VRK2: variants seen among roughly 807,000 people sequenced by gnomAD.
The protein encoded by VRK2 is VRK serine/threonine kinase 2, also known as serine/threonine-protein kinase VRK2.
VRK2 carries 60 observed loss-of-function variants against 57.6 expected under a neutral mutation model. The observed-to-expected ratio is 1.04, with a 90% CI of 0.85 to 1.29. The LOEUF (loss-of-function observed/expected upper bound fraction) is 1.29, where lower values mean the gene tolerates loss of function less well. Ranked by LOEUF, VRK2 falls within the 50% of genes most tolerant of loss-of-function variation. The pLI, the probability that VRK2 is intolerant of heterozygous loss-of-function variation, is 0.00. For synonymous variants in VRK2, 231 were observed against 199.2 expected, an observed-to-expected ratio of 1.16 and a Z score of -1.35; for missense variants, 705 against 588.1, an observed-to-expected ratio of 1.20 and a Z score of -2.06.
intron 1 of VRK2, among the ~76,000 whole-genome samples, chr2:57,914,678 T>C (rs1048749939): frequency 6.6e-6 from 1 of 152,118 alleles, no homozygotes; most frequent in African/African-American, 2.4e-5. Flanking sequence ...ACAACAGATG[T>C]ATATACATTC....
At chr2:58,057,639 TAAG>T (rs1676723114) in intron 2 of VRK2, among the ~76,000 whole-genome samples, 1 of 152,148 alleles carries the variant, frequency 6.6e-6, no homozygotes, top group South Asian at 2.1e-4. Context: ...GTAACATGCA[TAAG>T]AAATCAACTT....
chr2:57,943,860 C>G (rs916051823), intron 1 of VRK2, among the ~76,000 whole-genome samples: 4 of 152,192 alleles, frequency 2.6e-5, no homozygotes, highest in African/African-American at 9.7e-5. Flanking sequence ...AAGGGTCAGA[C>G]AGCAAACATT....
intron 4 of VRK2, 22 bp from the exon 5 acceptor site, chr2:58,086,316 TA>T: frequency 6.4e-7 from 1 of 1,573,568 alleles, no homozygotes; most frequent in East Asian, 2.3e-5. Context: ...TGAATCTTTT[TA>T]AAAATAAATT....
chr2:58,156,577 GTGTTTTTTT>G (rs1263599121), intron 12 of VRK2, among the ~76,000 whole-genome samples: 4 of 139,118 alleles, frequency 2.9e-5, no homozygotes, highest in African/African-American at 1.4e-4. Context: ...TTGGGTGGTG[GTGTTTTTTT>G]TGTTTTGTTT....
intron 1 of VRK2, among the ~76,000 whole-genome samples, chr2:57,957,142 G>C (rs1671611178): frequency 1.3e-5 from 2 of 152,082 alleles, no homozygotes; most frequent in South Asian, 4.1e-4. Flanking sequence ...CACTTTTGAT[G>C]ATAGTCTTTT....
At chr2:58,059,464 T>G (rs947012546) in intron 2 of VRK2, among the ~76,000 whole-genome samples, 7 of 151,936 alleles carry the variant, frequency 4.6e-5, no homozygotes, top group African/African-American at 1.7e-4. Context: ...TTGACTATAT[T>G]TTTTCATTGG....
intron 8 of VRK2, among the ~76,000 whole-genome samples, chr2:58,127,332 T>C (rs1359497207): frequency 6.6e-6 from 1 of 152,150 alleles, no homozygotes; most frequent in Non-Finnish European, 1.5e-5. Context: ...TGTCTTGGCC[T>C]TTTGATTGGG....
intron 1 of VRK2, among the ~76,000 whole-genome samples, chr2:57,996,268 A>G (rs1228063722): frequency 6.6e-6 from 1 of 152,216 alleles, no homozygotes; most frequent in East Asian, 1.9e-4. Context: ...GTGTTATTAT[A>G]AAAATATTTT....
chr2:57,992,736 C>A (rs1201530199), intron 1 of VRK2, among the ~76,000 whole-genome samples: 27 of 151,846 alleles, frequency 1.8e-4, no homozygotes, highest in Admixed American at 1.8e-3. Flanking sequence ...CGGGGTTTCA[C>A]CTTGTTAGCC....
At chr2:57,999,730 G>A (rs1021330950) in intron 1 of VRK2, among the ~76,000 whole-genome samples, 3 of 152,140 alleles carry the variant, frequency 2.0e-5, no homozygotes, top group Non-Finnish European at 4.4e-5. Flanking sequence ...GTTAGTGTAA[G>A]TTTATTAGTT....
At chr2:58,008,214 T>C (rs190664797) in intron 1 of VRK2, among the ~76,000 whole-genome samples, 3 of 152,090 alleles carry the variant, frequency 2.0e-5, no homozygotes, top group Admixed American at 6.5e-5. Context: ...AAAAAGTCAA[T>C]TACACTAGGG....
intron 2 of VRK2, among the ~76,000 whole-genome samples, chr2:58,073,425 G>A (rs1669621600): frequency 6.6e-6 from 1 of 151,882 alleles, no homozygotes. Flanking sequence ...GGCTATAACA[G>A]TGGATTTGTC....
chr2:58,132,586 G>C (rs957120805), intron 9 of VRK2, among the ~76,000 whole-genome samples: 3 of 152,110 alleles, frequency 2.0e-5, no homozygotes, highest in Non-Finnish European at 4.4e-5. Flanking sequence ...CAATTGCATA[G>C]AGCACAGAAT....
At chr2:58,053,395 A>G (rs1003360186) in intron 2 of VRK2, among the ~76,000 whole-genome samples, 3 of 152,246 alleles carry the variant, frequency 2.0e-5, no homozygotes, top group Non-Finnish European at 4.4e-5. Context: ...AGTGACTGCC[A>G]GACATTTTTG....
intron 1 of VRK2, among the ~76,000 whole-genome samples, chr2:58,011,440 G>C (rs992377468): frequency 1.3e-5 from 2 of 152,134 alleles, no homozygotes; most frequent in African/African-American, 4.8e-5. Context: ...TTCTATCCAA[G>C]GCTGTCAGCA....
chr2:58,031,129 T>C (rs1242618048), intron 2 of VRK2, among the ~76,000 whole-genome samples: 1 of 152,084 alleles, frequency 6.6e-6, no homozygotes, highest in African/African-American at 2.4e-5. Flanking sequence ...TGTTACTTTA[T>C]GCTGCTAAGT....
intron 1 of VRK2, chr2:58,047,115 G>C (rs1292189801): frequency 2.3e-6 from 1 of 431,754 alleles, no homozygotes; most frequent in Non-Finnish European, 3.1e-6. Context: ...CGGGTCCGAC[G>C]TGTTAGCGGA....
intron 10 of VRK2, among the ~76,000 whole-genome samples, chr2:58,137,224 C>CATATATGTATCAT (rs147019487): frequency 6.1e-5 from 4 of 65,142 alleles, no homozygotes; most frequent in African/African-American, 8.4e-5. Context: ...ACATATATAT[C>CATATATGTATCAT]ATATGATACA....
intron 1 of VRK2, among the ~76,000 whole-genome samples, chr2:57,940,314 G>T (rs1671051667): frequency 6.6e-6 from 1 of 152,068 alleles, no homozygotes; most frequent in African/African-American, 2.4e-5. Context: ...CCGAGCTCAA[G>T]CAAGCAGGCA....
Sources: allele counts gnomAD v4.1 joint callset (sites outside exome capture counted in the v4.1 genomes callset), GRCh38; gene constraint gnomAD v4.1.1; transcripts MANE v1.5; gene names NCBI Gene and HGNC (gene_info 2026-07-23, HGNC 2026-07-21).